DST: variants seen among roughly 807,000 people sequenced by gnomAD.
The protein encoded by DST is dystonin.
In DST, 253 loss-of-function variants were observed where a neutral mutation model predicts 875.2. That is an observed-to-expected ratio of 0.29 (90% confidence interval 0.26 to 0.32). The LOEUF (loss-of-function observed/expected upper bound fraction) is 0.32. Among genes scored for constraint, DST ranks in the 10% least tolerant of loss-of-function variants. The probability of loss-of-function intolerance (pLI) is 1.00; values close to 1 mark genes in which losing one functional copy is unlikely to be tolerated. For synonymous variants in DST, 3,124 were observed against 3,197.1 expected (o/e 0.98, Z 0.77); for missense variants, 8,287 against 9,111.6 (o/e 0.91, Z 3.68).
intron 1 of DST, 116 bp from the exon 2 acceptor site, chr6:56,953,935 A>C: frequency 1.7e-6 from 1 of 578,510 alleles, no homozygotes; most frequent in Non-Finnish European, 2.8e-6. Context: ...GACTCCTGGA[A>C]TTCGGTGGGA....
In DST at chr6:56,602,269, G is replaced by T. The variant is rs74876490; in HGVS notation, c.11308-593C>A. ...ACGACAGGTCACATATAAAATGTTG[G>T]TCCCATAAGATTACAATGCCTTATT... On this transcript the variant is annotated intron_variant, in intron 43 of 103. Coordinates refer to ENST00000680361, the MANE Select transcript of DST (RefSeq NM_001374736.1). Among the ~76,000 whole-genome samples the T allele has an allele frequency of 5.8e-3, 881 of 151,066 alleles. 6 individuals are homozygous for T. The highest frequency in any genetic ancestry group is 0.021 in the African/African-American group (856 of 41,262).
At position 56,492,279 on chromosome 6, in the gene DST, C is replaced by T. The variant is rs754316339; in HGVS notation, c.20705G>A (p.Arg6902Gln). ...CAAAGATCTTCCTCTCTCTACCAACCGTTGAACCACTTTTTCCCATCGACT... is the reference window on the plus strand; with the variant it reads ...CAAAGATCTTCCTCTCTCTACCAACTGTTGAACCACTTTTTCCCATCGACT... ...VQSRWEKVVQ[R>Q]LVERGRSLDD... is the part of the protein sequence containing the mutation. Residue 6902 changes from arginine to glutamine, a missense_variant, in exon 85 of 104, where the codon CGG becomes CAG. By Grantham distance (43) the Arg-to-Gln change is conservative. Around this residue, in one of 10 missense-constraint regions of DST, gnomAD observed 1,292 missense variants for 1,552.7 expected, o/e 0.83. Coordinates refer to ENST00000680361, the MANE Select transcript of DST (RefSeq NM_001374736.1). The T allele has an allele frequency of 1.7e-5, 27 of 1,613,858 alleles. No homozygotes were observed. In the East Asian group the frequency reaches 3.8e-4, roughly 23 times the overall value.
chr6:56,848,744 A>G (rs1763358927), intron 4 of DST, among the ~76,000 whole-genome samples: 1 of 152,246 alleles, frequency 6.6e-6, no homozygotes, highest in Non-Finnish European at 1.5e-5. Flanking sequence ...TATTTAAAAT[A>G]CAATCATAGG....
At chr6:56,715,264 G>A (rs1057490531) in intron 5 of DST, among the ~76,000 whole-genome samples, 5 of 152,144 alleles carry the variant, frequency 3.3e-5, no homozygotes, top group Admixed American at 1.3e-4. Context: ...GGCATCTATC[G>A]GAGTTAGTGC....
chr6:56,487,142 T>G lies in DST; in HGVS notation c.21009A>C (p.Arg7003Ser). The G allele has an allele frequency of 6.2e-7, 1 of 1,613,984 alleles. No homozygotes were observed. The highest frequency in any genetic ancestry group is 8.5e-7 in the Non-Finnish European group (1 of 1,179,862). ...LKLDDMLSEL[R>S]DKWDTICGKS... ...TTCCACATATGGTATCCCATTTGTC[T>G]CTGAGTTCACTCAGCATGTCATCCA... is the stretch of plus-strand genomic sequence containing the variant. The change falls in exon 87 of 104, where the codon AGA becomes AGC. Residue 7003 changes from arginine (R) to serine (S), a missense_variant. Around this residue, in one of 10 missense-constraint regions of DST, gnomAD observed 1,292 missense variants for 1,552.7 expected, o/e 0.83. Coordinates refer to ENST00000680361, the MANE Select transcript of DST (RefSeq NM_001374736.1).
At chr6:56,867,351 AT>A in intron 3 of DST, among the ~76,000 whole-genome samples, 1 of 152,230 alleles carries the variant, frequency 6.6e-6, no homozygotes, top group Non-Finnish European at 1.5e-5. Flanking sequence ...ACTACTGTTA[AT>A]ATTGTTGGTC....
intron 7 of DST, 51 bp from the exon 8 acceptor site, chr6:56,702,016 C>A: frequency 9.5e-7 from 1 of 1,054,728 alleles, no homozygotes; most frequent in South Asian, 1.4e-5. Flanking sequence ...TATCACAGAC[C>A]ATGCTAATTT....
chr6:56,707,320 A>T (rs555278370), intron 5 of DST, among the ~76,000 whole-genome samples: 202 of 152,358 alleles, frequency 1.3e-3, no homozygotes, highest in African/African-American at 4.6e-3. Context: ...GTACATTCTA[A>T]ATCTATGTAC....
chr6:56,494,864 C>T (rs113418577), intron 82 of DST, among the ~76,000 whole-genome samples: 12 of 151,992 alleles, frequency 7.9e-5, no homozygotes, highest in African/African-American at 2.9e-4. Context: ...AAAATTAAGA[C>T]TAGTTCTATT....
chr6:56,511,183 G>C lies in DST; in HGVS notation c.18780+14C>G, dbSNP rs753756897. On this transcript the variant is annotated intron_variant, in intron 73 of 103. Coordinates refer to ENST00000680361, the MANE Select transcript of DST (RefSeq NM_001374736.1). ...CTGCAAGAACCCAATTCTATATCTA[G>C]TGTAAACAATTACCTGAGTTGATTG... The C allele has an allele frequency of 8.6e-5, 135 of 1,563,444 alleles. No homozygotes were observed. Among genetic ancestry groups the C allele is most frequent in the Admixed American group, 3.6e-4 (19 of 52,662 alleles).
chr6:56,707,448 G>A (rs2099345412), intron 5 of DST, among the ~76,000 whole-genome samples: 1 of 152,182 alleles, frequency 6.6e-6, no homozygotes. Flanking sequence ...TCCTCAGCCA[G>A]CTGCTTTGTC....
chr6:56,614,669 T>A (rs1203713429), intron 36 of DST, 185 bp from the exon 37 acceptor site: 1 of 1,223,630 alleles, frequency 8.2e-7, no homozygotes, highest in African/African-American at 1.6e-5. Context: ...CCAAAATGTT[T>A]ATGGTAGCAA....
chr6:56,884,347 T>A (rs1157958054), intron 3 of DST, among the ~76,000 whole-genome samples: 1 of 152,196 alleles, frequency 6.6e-6, no homozygotes, highest in Admixed American at 6.5e-5. Context: ...CTTAGCTAAA[T>A]CCTAAATGTA....
intron 89 of DST, chr6:56,482,479 A>G: frequency 1.8e-6 from 1 of 549,128 alleles, no homozygotes; most frequent in Middle Eastern, 4.8e-4. Context: ...TTGTATGTGA[A>G]GATTAGAATG....
At chr6:56,896,122 C>T (rs1409597109) in intron 3 of DST, among the ~76,000 whole-genome samples, 7 of 66,690 alleles carry the variant, frequency 1.0e-4, no homozygotes, top group Admixed American at 2.4e-4. Flanking sequence ...GAGAGGGAGA[C>T]GGGAGAGGGA....
intron 73 of DST, among the ~76,000 whole-genome samples, chr6:56,510,562 T>C (rs760365557): frequency 4.7e-4 from 71 of 152,146 alleles, no homozygotes; most frequent in Non-Finnish European, 7.6e-4. Flanking sequence ...CCATAGACAA[T>C]TAAGCAAAGC....
At chr6:56,479,110 C>T (rs1409292210) in intron 90 of DST, among the ~76,000 whole-genome samples, 1 of 151,984 alleles carries the variant, frequency 6.6e-6, no homozygotes, top group East Asian at 1.9e-4. Flanking sequence ...CTGGGAAAAA[C>T]ACATGAACAG....
chr6:56,710,217 G>C (rs2099357740), intron 5 of DST, among the ~76,000 whole-genome samples: 1 of 152,150 alleles, frequency 6.6e-6, no homozygotes, highest in South Asian at 2.1e-4. Flanking sequence ...GAAACTGGAA[G>C]AGTCATTCCA....
rs115219824 is a variant in DST, at chr6:56,889,325, C to T, written c.417+11096G>A. Among the ~76,000 whole-genome samples the T allele has an allele frequency of 9.5e-3, 1,454 of 152,322 alleles. 26 individuals are homozygous for T. Among genetic ancestry groups the T allele is most frequent in the African/African-American group, 0.033 (1,385 of 41,568 alleles). On this transcript the variant is annotated intron_variant, in intron 3 of 103. Transcript: ENST00000680361. ...TTTCTTTCCAATCCTCAATCCAAAC[C>T]TGCTTCTTCCTTTGTGCTTACCATT...
Sources: gnomAD v4.1 joint callset for allele counts (sites outside exome capture counted in the v4.1 genomes callset) on GRCh38, gnomAD v4.1.1 for gene constraint, gnomAD v4.1.1 regional missense constraint, MANE v1.5 for transcripts, NCBI Gene and HGNC (gene_info 2026-07-23, HGNC 2026-07-21) for gene names.